Variants in IQSEC3 observed in about 807,000 individuals in gnomAD.
The protein encoded by IQSEC3 is IQ motif and SEC7 domain-containing protein 3.
A neutral mutation model predicts 105.4 loss-of-function variants in IQSEC3; 50 were observed. The ratio of observed to expected loss-of-function variants is 0.47; its 90% CI spans 0.38 to 0.60. The LOEUF (loss-of-function observed/expected upper bound fraction) is 0.60. Ranked by LOEUF, IQSEC3 falls within the 20% of genes least tolerant of loss-of-function variation. The pLI, the probability that IQSEC3 is intolerant of heterozygous loss-of-function variation, is 0.00. For synonymous variants in IQSEC3, 708 were observed against 746.0 expected, an observed-to-expected ratio of 0.95 and a Z score of 0.83; for missense variants, 1,415 against 1,630.0, an observed-to-expected ratio of 0.87 and a Z score of 2.27.
At chr12:119,110 G>A (rs532791121) in intron 2 of IQSEC3, among the ~76,000 whole-genome samples, 1 of 152,312 alleles carries the variant, frequency 6.6e-6, no homozygotes, top group South Asian at 2.1e-4. Flanking sequence ...CAGAAAAGTT[G>A]GGTGTGGTTC....
intron 5 of IQSEC3, among the ~76,000 whole-genome samples, chr12:145,493 C>T (rs11061644): frequency 0.12 from 17,871 of 152,186 alleles, 1,190 homozygotes; most frequent in South Asian, 0.24. Context: ...CCCCGCCATC[C>T]CATTCCCCGC....
At chr12:150,683 G>A (rs966138382) in intron 5 of IQSEC3, among the ~76,000 whole-genome samples, 1 of 152,216 alleles carries the variant, frequency 6.6e-6, no homozygotes, top group Non-Finnish European at 1.5e-5. Context: ...AGCAATGGCC[G>A]TGACAAGAGA....
Position 165,530 on chromosome 12 carries a change from G to GAGTGTAAGTATTTGACAGCC in IQSEC3, c.2809+6_2809+7insATTTGACAGCCAGTGTAAGT. 6.2e-7 allele frequency: 1 copy of GAGTGTAAGTATTTGACAGCC among 1,608,456 alleles called. No individual in the cohort carries two copies. Among genetic ancestry groups the GAGTGTAAGTATTTGACAGCC allele is most frequent in the Non-Finnish European group, 8.5e-7 (1 of 1,174,706 alleles). The stretch of plus-strand genomic sequence containing the variant: ...CATGCAGTTCCAGCTCTTTGAGAAC[G>GAGTGTAAGTATTTGACAGCC]AGTGTAAGTCTTTGACAGCCAGTGT... On this transcript the variant is annotated frameshift_variant, in exon 10 of 14. Coordinates refer to ENST00000538872, the MANE Select transcript of IQSEC3 (RefSeq NM_001170738.2). LOFTEE classifies it high-confidence loss of function.
chr12:68,152 C>A (rs1555066533), intron 1 of IQSEC3, among the ~76,000 whole-genome samples: 1 of 148,812 alleles, frequency 6.7e-6, no homozygotes, highest in East Asian at 2.1e-4. Context: ...CGAAGAGGTG[C>A]AAGGGAACAT....
chr12:88,135 T>C (rs1555072535), intron 1 of IQSEC3, among the ~76,000 whole-genome samples: 1 of 152,180 alleles, frequency 6.6e-6, no homozygotes, highest in Non-Finnish European at 1.5e-5. Flanking sequence ...AGGAAACTTA[T>C]TTTTTTCAAA....
intron 1 of IQSEC3, among the ~76,000 whole-genome samples, chr12:88,897 C>T (rs1863998617): frequency 6.6e-6 from 1 of 152,172 alleles, no homozygotes; most frequent in Non-Finnish European, 1.5e-5. Context: ...CTAATAATAT[C>T]AGTAATATTC....
intron 3 of IQSEC3, among the ~76,000 whole-genome samples, chr12:130,773 G>A (rs1046212969): frequency 2.2e-4 from 34 of 152,214 alleles, no homozygotes; most frequent in African/African-American, 7.7e-4. Context: ...CTTGCAGGAG[G>A]CCACAGCCCT....
At chr12:95,497 T>C (rs1374159434) in intron 1 of IQSEC3, among the ~76,000 whole-genome samples, 1 of 152,206 alleles carries the variant, frequency 6.6e-6, no homozygotes, top group African/African-American at 2.4e-5. Flanking sequence ...TACGGTAATA[T>C]CACACATGGG....
chr12:154,881 GCTCT>G (rs1456391741), intron 5 of IQSEC3, among the ~76,000 whole-genome samples: 1 of 151,540 alleles, frequency 6.6e-6, no homozygotes, highest in Non-Finnish European at 1.5e-5. Flanking sequence ...TTCTCTCCTT[GCTCT>G]CTGTCGAATT....
In IQSEC3 at chr12:178,116, C is replaced by T; in HGVS notation, c.*3083C>T. On this transcript the variant is annotated 3_prime_UTR_variant, in exon 14 of 14. Transcript: ENST00000538872. ...GCAGCGTGTCCTGGAAGCCTGCCTG[C>T]CTGCCTGCCCGTCTGCACAGGTGTC... 1 of 152,458 alleles carries T rather than the reference C, an allele frequency of 6.6e-6. No individual in the cohort carries two copies. The highest frequency in any genetic ancestry group is 1.5e-5 in the Non-Finnish European group (1 of 68,168). The allele number at this position is 152,458 out of a possible 1,614,324, so 9.4% of individuals were successfully genotyped here.
Position 126,010 on chromosome 12 carries a change from G to A in IQSEC3, c.903+98G>A, listed in dbSNP as rs1021920106. ...GGGATATCCCCGCTGGGTCCCCTCC[G>A]CTACAGGCACACCTCTTTTGCCACA... On this transcript the variant is annotated intron_variant, in intron 3 of 13. Coordinates refer to ENST00000538872, the MANE Select transcript of IQSEC3 (RefSeq NM_001170738.2). 131 of 1,222,684 alleles carry A rather than the reference G, an allele frequency of 1.1e-4. 1 individual carries two copies. Among genetic ancestry groups the A allele is most frequent in the African/African-American group, 1.6e-4 (10 of 64,042 alleles). The allele number at this position is 1,222,684 out of a possible 1,614,324, so 75.7% of individuals were successfully genotyped here.
intron 1 of IQSEC3, among the ~76,000 whole-genome samples, chr12:75,457 A>G (rs1555068752): frequency 6.6e-6 from 1 of 152,202 alleles, no homozygotes; most frequent in East Asian, 1.9e-4. Context: ...TACTTTTCCA[A>G]CGAACTTCAT....
At chr12:91,138 G>T (rs1286327438) in intron 1 of IQSEC3, among the ~76,000 whole-genome samples, 2 of 152,182 alleles carry the variant, frequency 1.3e-5, no homozygotes, top group African/African-American at 4.8e-5. Context: ...CTCCTTCAGA[G>T]TTGCCCCCTG....
chr12:173,281 T>A (rs782232432), intron 13 of IQSEC3, among the ~76,000 whole-genome samples: 8 of 152,080 alleles, frequency 5.3e-5, no homozygotes, highest in Non-Finnish European at 1.0e-4. Flanking sequence ...GAACATGTGC[T>A]GAGGTTGGAG....
intron 4 of IQSEC3, chr12:140,815 C>T (rs1865987709): frequency 3.1e-6 from 1 of 326,372 alleles, no homozygotes; most frequent in Admixed American, 4.7e-5. Flanking sequence ...TGCATATTGA[C>T]AACAGGATAT....
At chr12:126,317 A>G (rs1416998042) in intron 3 of IQSEC3, among the ~76,000 whole-genome samples, 6 of 152,218 alleles carry the variant, frequency 3.9e-5, no homozygotes, top group African/African-American at 1.4e-4. Flanking sequence ...ACCCACAGGC[A>G]CAAACGAGGC....
chr12:107,432 C>T (rs1332202638), intron 2 of IQSEC3, among the ~76,000 whole-genome samples: 2 of 89,942 alleles, frequency 2.2e-5, no homozygotes, highest in African/African-American at 4.3e-5. Context: ...TTTTTTGAGA[C>T]GGAGTCTTGC....
chr12:104,252 C>A (rs1234353566), intron 2 of IQSEC3, among the ~76,000 whole-genome samples: 1 of 152,158 alleles, frequency 6.6e-6, no homozygotes, highest in African/African-American at 2.4e-5. Flanking sequence ...ATTTCTGGAG[C>A]TGGACAGTGA....
intron 3 of IQSEC3, among the ~76,000 whole-genome samples, chr12:132,102 C>T (rs1325771912): frequency 1.3e-5 from 2 of 152,050 alleles, no homozygotes; most frequent in Middle Eastern, 3.2e-3. Flanking sequence ...CAGGGAGACC[C>T]CGTCTGTTCG....
Sources: allele counts gnomAD v4.1 joint callset (sites outside exome capture counted in the v4.1 genomes callset), GRCh38; gene constraint gnomAD v4.1.1; transcripts MANE v1.5; gene names NCBI Gene and HGNC (gene_info 2026-07-23, HGNC 2026-07-21).